The following SLAMF9 variants were observed in gnomAD, a reference collection of about 807,000 sequenced individuals.
SLAMF9 encodes SLAM family member 9.
A neutral mutation model predicts 30.4 loss-of-function variants in SLAMF9; 25 were observed. The observed-to-expected ratio is 0.82, with a 90% CI of 0.60 to 1.15. The LOEUF is 1.15. Among genes scored for constraint, SLAMF9 ranks in the 50% most tolerant of loss-of-function variants. The pLI is 0.00. For synonymous variants in SLAMF9, 129 were observed against 127.2 expected (o/e 1.01, Z -0.09); for missense variants, 344 against 346.1 (o/e 0.99, Z 0.05).
Position 159,953,344 on chromosome 1 carries a change from A to C in SLAMF9, c.356T>G (p.Ile119Ser). 1 of 1,612,360 alleles carries C rather than the reference A, an allele frequency of 6.2e-7. No individual in the cohort carries two copies. Among genetic ancestry groups the C allele is most frequent in the East Asian group, 2.2e-5 (1 of 44,802 alleles). The change falls in exon 2 of 4, where the codon ATC becomes AGC. Residue 119 changes from isoleucine (I) to serine (S), a missense_variant. By Grantham distance (142) the Ile-to-Ser change is moderately radical. Coordinates refer to ENST00000368093, the MANE Select transcript of SLAMF9 (RefSeq NM_033438.4). ...QAQVNLRTSQISTMQQYNICV... is the reference protein window; with the variant it reads ...QAQVNLRTSQSSTMQQYNICV... ...TATATTGTACTGCTGCATGGTAGAG[A>C]TCTGGGATGTTCTCAGGTTGACTTG...
At chr1:159,980,037 C>T in the SLAMF9 span, among the ~76,000 whole-genome samples, 4 of 152,098 alleles carry the variant, frequency 2.6e-5, no homozygotes, top group Non-Finnish European at 5.9e-5. Context: ...AAATTAGGGT[C>T]GGGGAGAAGA....
the SLAMF9 span, among the ~76,000 whole-genome samples, chr1:159,970,071 AATAG>A: frequency 1.3e-5 from 2 of 152,194 alleles, no homozygotes; most frequent in Non-Finnish European, 2.9e-5. Flanking sequence ...TAAATAAATA[AATAG>A]ATAAATAAAT....
At chr1:159,962,221 TG>T in the SLAMF9 span, among the ~76,000 whole-genome samples, 1 of 150,854 alleles carries the variant, frequency 6.6e-6, no homozygotes, top group Admixed American at 6.6e-5. Context: ...AGGGAAAACA[TG>T]GGGTAGAGGG....
At chr1:159,971,062 T>G in the SLAMF9 span, among the ~76,000 whole-genome samples, 9 of 152,192 alleles carry the variant, frequency 5.9e-5, no homozygotes, top group African/African-American at 2.2e-4. Flanking sequence ...TTACTAGGAC[T>G]AAATCACACG....
At chr1:159,960,647 G>T in the SLAMF9 span, among the ~76,000 whole-genome samples, 1 of 151,974 alleles carries the variant, frequency 6.6e-6, no homozygotes, top group Non-Finnish European at 1.5e-5. Context: ...TGTAGAGACG[G>T]GTTTCACCAT....
At chr1:159,967,605 G>A in the SLAMF9 span, among the ~76,000 whole-genome samples, 18 of 152,058 alleles carry the variant, frequency 1.2e-4, no homozygotes, top group Admixed American at 2.6e-4. Context: ...TGTTCCCTAC[G>A]AACTTAAGGA....
the SLAMF9 span, among the ~76,000 whole-genome samples, chr1:159,962,469 G>A: frequency 7.9e-5 from 12 of 152,268 alleles, no homozygotes; most frequent in Middle Eastern, 3.4e-3. Context: ...AGTAGGAATA[G>A]GGGTTGAAGA....
chr1:159,976,967 AAAGAAGGAAAG>A, the SLAMF9 span: 7 of 45,634 alleles, frequency 1.5e-4, no homozygotes, highest in African/African-American at 3.1e-4. Flanking sequence ...AAAGAGAAAG[AAAGAAGGAAAG>A]AAGGAAAGAA....
intron 1 of SLAMF9, among the ~76,000 whole-genome samples, 167 bp from the exon 2 acceptor site, chr1:159,953,820 C>T (rs1241611309): frequency 6.6e-6 from 1 of 152,226 alleles, no homozygotes; most frequent in African/African-American, 2.4e-5. Flanking sequence ...TTCCCCTTTC[C>T]CTGAGTTAAG....
the SLAMF9 span, among the ~76,000 whole-genome samples, chr1:159,962,452 C>A: frequency 6.6e-6 from 1 of 152,042 alleles, no homozygotes; most frequent in African/African-American, 2.4e-5. Context: ...TGCTGACGAG[C>A]AGATCCAGTA....
the SLAMF9 span, among the ~76,000 whole-genome samples, chr1:159,960,246 A>G: frequency 7.5e-6 from 1 of 134,228 alleles, no homozygotes; most frequent in African/African-American, 2.8e-5. Flanking sequence ...ATTCCCACCT[A>G]TGAGTGAGAA....
upstream of SLAMF9, among the ~76,000 whole-genome samples, chr1:159,957,634 G>T (rs902923793): frequency 4.6e-5 from 7 of 152,068 alleles, no homozygotes; most frequent in Non-Finnish European, 1.0e-4. Context: ...AAAAAAAATT[G>T]CTAAGACAGT....
At chr1:159,961,935 G>T in the SLAMF9 span, among the ~76,000 whole-genome samples, 1 of 152,044 alleles carries the variant, frequency 6.6e-6, no homozygotes. Context: ...GAGGCGGGCG[G>T]ATCACAAGGT....
At chr1:159,960,067 A>C in the SLAMF9 span, among the ~76,000 whole-genome samples, 20 of 151,906 alleles carry the variant, frequency 1.3e-4, no homozygotes, top group African/African-American at 3.6e-4. Context: ...CACAACGTGC[A>C]GGTTTGTTAC....
the SLAMF9 span, among the ~76,000 whole-genome samples, chr1:159,966,925 T>C: frequency 6.6e-6 from 1 of 152,106 alleles, no homozygotes; most frequent in Non-Finnish European, 1.5e-5. Context: ...GTTCACTTTG[T>C]TGTTTTTGTT....
the SLAMF9 span, among the ~76,000 whole-genome samples, chr1:159,979,956 C>T: frequency 1.2e-4 from 18 of 152,270 alleles, no homozygotes; most frequent in African/African-American, 3.6e-4. Context: ...TTGAAAATCA[C>T]AGGACGTTTT....
At chr1:159,967,384 C>CG in the SLAMF9 span, among the ~76,000 whole-genome samples, 1 of 152,164 alleles carries the variant, frequency 6.6e-6, no homozygotes, top group African/African-American at 2.4e-5. Context: ...AATAGATTGT[C>CG]CTTTCCTCAT....
At chr1:159,974,969 G>T in the SLAMF9 span, among the ~76,000 whole-genome samples, 1 of 152,102 alleles carries the variant, frequency 6.6e-6, no homozygotes, top group African/African-American at 2.4e-5. Context: ...GCATAGGCCC[G>T]GGTGTTCAAA....
upstream of SLAMF9, among the ~76,000 whole-genome samples, chr1:159,956,955 T>C (rs1239097477): frequency 6.6e-6 from 1 of 150,924 alleles, no homozygotes; most frequent in Non-Finnish European, 1.5e-5. Flanking sequence ...CCATCTCTAC[T>C]AAAAAACACA....
Sources: allele counts gnomAD v4.1 joint callset (sites outside exome capture counted in the v4.1 genomes callset), GRCh38; gene constraint gnomAD v4.1.1; transcripts MANE v1.5; gene names NCBI Gene and HGNC (gene_info 2026-07-23, HGNC 2026-07-21).